The following CLIC5 variants were observed in gnomAD, a reference collection of about 807,000 sequenced individuals.
CLIC5 encodes the protein chloride intracellular channel protein 5.
CLIC5 carries 20 observed loss-of-function variants against 24.7 expected under a neutral mutation model. The observed-to-expected ratio is 0.81, with a 90% CI of 0.57 to 1.18. The LOEUF (loss-of-function observed/expected upper bound fraction) is 1.18, where lower values mean the gene tolerates loss of function less well. Ranked by LOEUF, CLIC5 falls within the 50% of genes most tolerant of loss-of-function variation. The probability of loss-of-function intolerance (pLI) is 0.00; values close to 1 mark genes in which losing one functional copy is unlikely to be tolerated. For missense variants in CLIC5, 341 were observed against 326.1 expected (o/e 1.05, Z -0.35); for synonymous variants, 159 against 135.6 (o/e 1.17, Z -1.20).
the CLIC5 span, among the ~76,000 whole-genome samples, chr6:46,119,977 G>C: frequency 6.6e-6 from 1 of 152,204 alleles, no homozygotes; most frequent in Non-Finnish European, 1.5e-5. Context: ...AAGGAGGCCT[G>C]CCTGCCTCTG....
intron 1 of CLIC5, among the ~76,000 whole-genome samples, chr6:46,074,268 T>A (rs1020797866): frequency 6.6e-6 from 1 of 152,190 alleles, no homozygotes; most frequent in South Asian, 2.1e-4. Flanking sequence ...TGTTGCTTAT[T>A]ATTTTTCATT....
intron 1 of CLIC5, among the ~76,000 whole-genome samples, chr6:46,069,667 C>T (rs1458024556): frequency 1.3e-5 from 2 of 152,088 alleles, no homozygotes; most frequent in Admixed American, 1.3e-4. Context: ...TGGTACCATT[C>T]CTACTAAAAC....
intron 1 of CLIC5, among the ~76,000 whole-genome samples, chr6:45,980,918 T>C (rs895183829): frequency 2.6e-5 from 4 of 152,192 alleles, no homozygotes; most frequent in African/African-American, 9.7e-5. Flanking sequence ...AGATCATTAT[T>C]TGAAGCATGC....
chr6:46,008,723 A>G (rs1766691503), intron 1 of CLIC5, among the ~76,000 whole-genome samples: 1 of 152,236 alleles, frequency 6.6e-6, no homozygotes, highest in Non-Finnish European at 1.5e-5. Context: ...TAAAAAATAT[A>G]CAAAGGAAGA....
At chr6:45,950,407 A>C (rs569917711) in intron 2 of CLIC5, among the ~76,000 whole-genome samples, 9 of 151,972 alleles carry the variant, frequency 5.9e-5, no homozygotes, top group African/African-American at 1.7e-4. Flanking sequence ...ACAAAAAAAA[A>C]AAACAAACAA....
chr6:45,984,277 C>T (rs1436261101), intron 1 of CLIC5, among the ~76,000 whole-genome samples: 3 of 152,156 alleles, frequency 2.0e-5, no homozygotes, highest in African/African-American at 4.8e-5. Flanking sequence ...TTCTCGAGTA[C>T]TTTCCAGGCC....
chr6:45,993,481 T>G (rs2127425561), intron 1 of CLIC5, among the ~76,000 whole-genome samples: 1 of 152,328 alleles, frequency 6.6e-6, no homozygotes. Flanking sequence ...GCATCTGCTT[T>G]CAAATATCTT....
At chr6:46,023,918 G>C (rs1283012043) in intron 1 of CLIC5, among the ~76,000 whole-genome samples, 1 of 150,968 alleles carries the variant, frequency 6.6e-6, no homozygotes, top group Non-Finnish European at 1.5e-5. Context: ...ACCCACAACT[G>C]TCACCTAGTA....
At chr6:46,040,144 T>G (rs576028232) in intron 1 of CLIC5, among the ~76,000 whole-genome samples, 50 of 152,332 alleles carry the variant, frequency 3.3e-4, no homozygotes, top group Non-Finnish European at 5.7e-4. Context: ...ACATATTGAA[T>G]GTTTCCGTTA....
At chr6:45,903,905 C>A (rs948978598) in intron 5 of CLIC5, among the ~76,000 whole-genome samples, 1 of 151,794 alleles carries the variant, frequency 6.6e-6, no homozygotes, top group Non-Finnish European at 1.5e-5. Context: ...GGAAAAAAAA[C>A]CATGAAAAGC....
intron 1 of CLIC5, among the ~76,000 whole-genome samples, chr6:46,012,843 G>C (rs970751263): frequency 5.3e-5 from 8 of 152,196 alleles, no homozygotes; most frequent in Non-Finnish European, 1.0e-4. Flanking sequence ...TAAGGTACCT[G>C]TGAATCCAGT....
the CLIC5 span, chr6:46,129,628 T>A: frequency 1.3e-5 from 2 of 152,290 alleles, no homozygotes; most frequent in Non-Finnish European, 2.9e-5. Context: ...GTGCCGGACC[T>A]TGGTGCAGCC....
intron 1 of CLIC5, among the ~76,000 whole-genome samples, chr6:46,026,484 T>C (rs563282190): frequency 6.6e-6 from 1 of 152,314 alleles, no homozygotes; most frequent in South Asian, 2.1e-4. Context: ...TCCGTTTTTG[T>C]CATGTACTTT....
chr6:45,972,811 A>G (rs951710800), intron 1 of CLIC5, among the ~76,000 whole-genome samples: 1 of 152,234 alleles, frequency 6.6e-6, no homozygotes, highest in Non-Finnish European at 1.5e-5. Flanking sequence ...GGTCAGTGAT[A>G]GCCAGCTTTT....
At chr6:45,971,821 A>G (rs1230133389) in intron 1 of CLIC5, among the ~76,000 whole-genome samples, 1 of 152,246 alleles carries the variant, frequency 6.6e-6, no homozygotes, top group African/African-American at 2.4e-5. Flanking sequence ...TGACTCTTCT[A>G]CACAGAGAAG....
rs1762472645 is a variant in CLIC5 at position 45,900,160 on chromosome 6, T to A, written c.*2928A>T. The stretch of plus-strand genomic sequence containing the variant: ...CTAGACAGTGAATTCAACTCAGTCA[T>A]TCTGAGTTTGACTCTTGCTTCTGCC... On this transcript the variant is annotated 3_prime_UTR_variant, in exon 6 of 6. Coordinates refer to ENST00000339561, the MANE Select transcript of CLIC5 (RefSeq NM_016929.5). 1 of 152,150 alleles carries A rather than the reference T, an allele frequency of 6.6e-6. No homozygotes were observed. Among genetic ancestry groups the A allele is most frequent in the Non-Finnish European group, 1.5e-5 (1 of 68,024 alleles). The allele number at this position is 152,150 out of a possible 1,614,324, so 9.4% of individuals were successfully genotyped here.
the CLIC5 span, among the ~76,000 whole-genome samples, chr6:46,092,151 G>A: frequency 2.6e-5 from 4 of 152,168 alleles, no homozygotes; most frequent in African/African-American, 4.8e-5. Flanking sequence ...TACACCTGAG[G>A]AAATTGAGTT....
chr6:45,913,768 G>T (rs11759171), intron 5 of CLIC5: 31,515 of 1,230,484 alleles, frequency 0.026, 504 homozygotes, highest in Non-Finnish European at 0.03. Context: ...GGAAAATAAT[G>T]TGGGCTCACC....
chr6:45,906,751 A>G (rs1164122503), intron 5 of CLIC5, among the ~76,000 whole-genome samples: 1 of 152,008 alleles, frequency 6.6e-6, no homozygotes, highest in African/African-American at 2.4e-5. Flanking sequence ...TAGTAGAGAC[A>G]GAGTTTCTCC....
Sources: gnomAD v4.1 joint callset for allele counts (sites outside exome capture counted in the v4.1 genomes callset) on GRCh38, gnomAD v4.1.1 for gene constraint, MANE v1.5 for transcripts, NCBI Gene and HGNC (gene_info 2026-07-23, HGNC 2026-07-21) for gene names.